PALM2AKAP2: variants seen among roughly 807,000 people sequenced by gnomAD.
The protein encoded by PALM2AKAP2 is PALM2-AKAP2 fusion protein.
PALM2AKAP2 carries 37 observed loss-of-function variants against 71.5 expected under a neutral mutation model. The ratio of observed to expected loss-of-function variants is 0.52; its 90% CI spans 0.40 to 0.68. PALM2AKAP2 has a LOEUF of 0.68. PALM2AKAP2 is among the 30% of genes least tolerant of loss of function. The pLI, the probability that PALM2AKAP2 is intolerant of heterozygous loss-of-function variation, is 0.00. For synonymous variants in PALM2AKAP2, 468 were observed against 478.8 expected, an observed-to-expected ratio of 0.98 and a Z score of 0.29; for missense variants, 1,224 against 1,191.8, an observed-to-expected ratio of 1.03 and a Z score of -0.40.
At chr9:109,756,356 G>C (rs771194517) in intron 1 of PALM2AKAP2, among the ~76,000 whole-genome samples, 5 of 152,168 alleles carry the variant, frequency 3.3e-5, no homozygotes, top group Non-Finnish European at 7.4e-5. Flanking sequence ...TTGGACCCAT[G>C]TTCTACTATT....
chr9:109,749,392 A>T (rs1052145028), intron 1 of PALM2AKAP2, among the ~76,000 whole-genome samples: 13 of 147,866 alleles, frequency 8.8e-5, no homozygotes, highest in Admixed American at 6.7e-5. Flanking sequence ...AGTGATCAAG[A>T]GATCTCGTTC....
At position 109,757,053 on chromosome 9, in the gene PALM2AKAP2, AT is replaced by A. The variant is rs371826445; in HGVS notation, c.6-23434del. Among the ~76,000 whole-genome samples the A allele has an allele frequency of 1.7e-3, 253 of 152,216 alleles. 1 individual carries two copies. Among genetic ancestry groups the A allele is most frequent in the African/African-American group, 5.1e-3 (214 of 41,560 alleles). On this transcript the variant is annotated intron_variant, in intron 1 of 6. Coordinates refer to the PALM2AKAP2 transcript ENST00000374531. ...TAAGTGACCTATTCTGCTATTGAAC[AT>A]AACGTGTTCTATCTATCTGTATGTT...
chr9:109,687,024 T>A (rs139613386), intron 1 of PALM2AKAP2, among the ~76,000 whole-genome samples: 71 of 152,326 alleles, frequency 4.7e-4, no homozygotes, highest in African/African-American at 1.7e-3. Context: ...TTTTTATGGC[T>A]GCATAGTATT....
At chr9:109,842,956 C>A (rs1179693802) in intron 1 of PALM2AKAP2, among the ~76,000 whole-genome samples, 1 of 151,896 alleles carries the variant, frequency 6.6e-6, no homozygotes. Flanking sequence ...GACCGACCAA[C>A]GTGGAGAAAC....
intron 3 of PALM2AKAP2, among the ~76,000 whole-genome samples, chr9:110,157,557 C>T (rs544320550): frequency 2.5e-4 from 38 of 152,194 alleles, no homozygotes; most frequent in African/African-American, 8.9e-4. Context: ...TGCCACCATA[C>T]CTGGCTTATT....
At chr9:109,777,422 A>G (rs1006633953), upstream of PALM2AKAP2, among the ~76,000 whole-genome samples, 3 of 152,088 alleles carry the variant, frequency 2.0e-5, no homozygotes, top group African/African-American at 7.2e-5. Flanking sequence ...CCAAACATCC[A>G]AGTCTTGCCT....
chr9:109,762,969 A>T (rs1282942963), intron 1 of PALM2AKAP2, among the ~76,000 whole-genome samples: 1 of 152,164 alleles, frequency 6.6e-6, no homozygotes, highest in Non-Finnish European at 1.5e-5. Context: ...ATGTGGCCAG[A>T]GCTGGCCACA....
intron 3 of PALM2AKAP2, among the ~76,000 whole-genome samples, chr9:109,919,714 TA>T (rs1413723550): frequency 6.8e-6 from 1 of 147,466 alleles, no homozygotes; most frequent in African/African-American, 2.6e-5. Flanking sequence ...AGGATGTATA[TA>T]TATATATGTG....
chr9:110,119,341 C>G (rs151192565), intron 1 of PALM2AKAP2, among the ~76,000 whole-genome samples: 137 of 88,912 alleles, frequency 1.5e-3, no homozygotes, highest in Middle Eastern at 6.2e-3. Context: ...GACTCCATCT[C>G]AAAAAAAAAA....
intron 6 of PALM2AKAP2, among the ~76,000 whole-genome samples, chr9:109,932,460 A>G (rs1041837990): frequency 6.6e-6 from 1 of 152,202 alleles, no homozygotes; most frequent in Non-Finnish European, 1.5e-5. Context: ...GAATTGTGCT[A>G]TTTGTATATT....
At chr9:109,812,101 G>A (rs916444177) in intron 1 of PALM2AKAP2, among the ~76,000 whole-genome samples, 1 of 152,230 alleles carries the variant, frequency 6.6e-6, no homozygotes, top group Non-Finnish European at 1.5e-5. Context: ...GAGGTTTCTG[G>A]TCATAGGGGC....
At chr9:110,143,072 G>A (rs1462548095) in intron 2 of PALM2AKAP2, among the ~76,000 whole-genome samples, 1 of 148,784 alleles carries the variant, frequency 6.7e-6, no homozygotes, top group Non-Finnish European at 1.5e-5. Flanking sequence ...GAGGGGCCAT[G>A]CTCCCAATAG....
At chr9:109,767,001 C>T (rs559190616) in intron 1 of PALM2AKAP2, among the ~76,000 whole-genome samples, 4 of 148,878 alleles carry the variant, frequency 2.7e-5, no homozygotes, top group African/African-American at 1.0e-4. Context: ...ACCTGCCAGA[C>T]ACTGTGCCTG....
chr9:109,773,555 C>T (rs1829304724), intron 1 of PALM2AKAP2, among the ~76,000 whole-genome samples: 1 of 152,234 alleles, frequency 6.6e-6, no homozygotes, highest in Admixed American at 6.5e-5. Context: ...TCTCAGAGCA[C>T]TTTCTCATTC....
At chr9:109,723,530 A>G (rs1828434149) in intron 1 of PALM2AKAP2, among the ~76,000 whole-genome samples, 2 of 152,218 alleles carry the variant, frequency 1.3e-5, no homozygotes, top group African/African-American at 4.8e-5. Flanking sequence ...AGATAGTGCG[A>G]CATGGAATTG....
At chr9:109,651,586 C>T (rs1160411576) in intron 1 of PALM2AKAP2, among the ~76,000 whole-genome samples, 3 of 152,174 alleles carry the variant, frequency 2.0e-5, no homozygotes, top group Admixed American at 2.0e-4. Context: ...TATGAGAACC[C>T]TTCTTATTGC....
At chr9:109,776,125 T>A (rs952856426), upstream of PALM2AKAP2, among the ~76,000 whole-genome samples, 14 of 152,252 alleles carry the variant, frequency 9.2e-5, no homozygotes, top group Admixed American at 7.8e-4. Flanking sequence ...TTTTTCTTAA[T>A]ACCAGGCCAT....
At chr9:109,660,500 T>A (rs1384314731) in intron 1 of PALM2AKAP2, among the ~76,000 whole-genome samples, 2 of 152,194 alleles carry the variant, frequency 1.3e-5, no homozygotes, top group African/African-American at 4.8e-5. Context: ...TCCAGCTTCA[T>A]CCATTTTCCT....
At chr9:109,917,743 CTCAG>C (rs1162029135) in intron 3 of PALM2AKAP2, among the ~76,000 whole-genome samples, 1 of 152,172 alleles carries the variant, frequency 6.6e-6, no homozygotes, top group African/African-American at 2.4e-5. Flanking sequence ...ATCCTCCAGC[CTCAG>C]TCTCCCAAAG....
Sources: gnomAD v4.1 joint callset for allele counts (sites outside exome capture counted in the v4.1 genomes callset) on GRCh38, gnomAD v4.1.1 for gene constraint, MANE v1.5 for transcripts, NCBI Gene and HGNC (gene_info 2026-07-23, HGNC 2026-07-21) for gene names.